The following LEF1 variants were observed in gnomAD, a reference collection of about 807,000 sequenced individuals.
The protein encoded by LEF1 is lymphoid enhancer-binding factor 1.
A neutral mutation model predicts 51.2 loss-of-function variants in LEF1; 14 were observed. The ratio of observed to expected loss-of-function variants is 0.27; its 90% CI spans 0.18 to 0.43. The LOEUF (loss-of-function observed/expected upper bound fraction) is 0.43, where lower values mean the gene tolerates loss of function less well. Ranked by LOEUF, LEF1 falls within the 20% of genes least tolerant of loss-of-function variation. The pLI, the probability that LEF1 is intolerant of heterozygous loss-of-function variation, is 1.00. For missense variants in LEF1, 386 were observed against 512.0 expected (o/e 0.75, Z 2.37); for synonymous variants, 185 against 183.2 (o/e 1.01, Z -0.08).
intron 3 of LEF1, among the ~76,000 whole-genome samples, chr4:108,107,181 A>G (rs1201737045): frequency 6.6e-6 from 1 of 151,986 alleles, no homozygotes; most frequent in African/African-American, 2.4e-5. Context: ...GAATATATGG[A>G]CCCATGCCTC....
rs34015287 is a variant in LEF1, at chr4:108,123,432, G to GTTTT, written c.415-34179_415-34176dup. 3.3e-3 allele frequency among the ~76,000 whole-genome samples: 239 copies of GTTTT among 72,374 alleles called. 6 individuals carry two copies. The highest frequency in any genetic ancestry group is 0.015 in the African/African-American group (225 of 15,464). 47.5% of individuals were successfully genotyped at this position (72,374 alleles called of 152,430 possible). ...GGACCCCAGCTTTCTGCTAGGGTTG[G>GTTTT]TTTTTTTTTTTTTTTTTTTTTTTTT... On this transcript the variant is annotated intron_variant, in intron 3 of 11. Transcript: ENST00000265165.
intron 5 of LEF1, 122 bp from the exon 6 acceptor site, chr4:108,081,791 C>T: frequency 2.9e-6 from 2 of 693,190 alleles, no homozygotes; most frequent in Non-Finnish European, 5.1e-6. Context: ...GTATTACAGA[C>T]CCCGGGATTG....
intron 3 of LEF1, among the ~76,000 whole-genome samples, chr4:108,100,424 G>T (rs1348907152): frequency 2.6e-5 from 4 of 152,164 alleles, no homozygotes. Context: ...TTCTCTGCTA[G>T]TGAAAAAGGG....
At position 108,047,692 on chromosome 4, in the gene LEF1, C is replaced by T. The variant is rs191295179; in HGVS notation, c.*1066G>A. 6.6e-6 allele frequency: 1 copy of T among 152,602 alleles called. No individual in the cohort carries two copies. Among genetic ancestry groups the T allele is most frequent in the Non-Finnish European group, 1.5e-5 (1 of 68,032 alleles). 9.5% of individuals were successfully genotyped at this position (152,602 alleles called of 1,614,324 possible). A position where few individuals can be genotyped will look rare whatever the true frequency, so the allele number is the denominator to read the frequency against. On this transcript the variant is annotated 3_prime_UTR_variant, in exon 12 of 12. Coordinates refer to ENST00000265165, the MANE Select transcript of LEF1 (RefSeq NM_016269.5). Reference sequence around the variant, plus strand: ...TTTTTAAAAAATGGGTACATCAATGCTCATTTTAACAACTGGCATAAAATC... The same window carrying T: ...TTTTTAAAAAATGGGTACATCAATGTTCATTTTAACAACTGGCATAAAATC...
At chr4:108,066,240 G>A (rs968180734) in intron 9 of LEF1, among the ~76,000 whole-genome samples, 4 of 152,228 alleles carry the variant, frequency 2.6e-5, no homozygotes, top group South Asian at 2.1e-4. Context: ...TATCCACAAC[G>A]GTCCTTTCAA....
chr4:108,150,830 A>T (rs1359492453), intron 3 of LEF1, among the ~76,000 whole-genome samples: 1 of 152,236 alleles, frequency 6.6e-6, no homozygotes, highest in Non-Finnish European at 1.5e-5. Context: ...AGAAAAATGC[A>T]TGTAAAGTAC....
intron 3 of LEF1, among the ~76,000 whole-genome samples, chr4:108,100,222 G>A (rs1392945988): frequency 6.6e-6 from 1 of 152,170 alleles, no homozygotes; most frequent in African/African-American, 2.4e-5. Flanking sequence ...TGGGTTCTAT[G>A]TAACTTTGCT....
At chr4:108,049,710 C>G (rs1736856918) in intron 11 of LEF1, among the ~76,000 whole-genome samples, 1 of 152,204 alleles carries the variant, frequency 6.6e-6, no homozygotes, top group African/African-American at 2.4e-5. Context: ...GTTACAAGCA[C>G]AAGTTTCCTT....
intron 3 of LEF1, among the ~76,000 whole-genome samples, chr4:108,136,209 T>C (rs1743252392): frequency 6.6e-6 from 1 of 152,182 alleles, no homozygotes; most frequent in Non-Finnish European, 1.5e-5. Flanking sequence ...TGTGCAAACA[T>C]TAGAAGTTCC....
chr4:108,153,544 T>C (rs1319484690), intron 3 of LEF1, among the ~76,000 whole-genome samples: 2 of 152,184 alleles, frequency 1.3e-5, no homozygotes, highest in Admixed American at 6.5e-5. Context: ...ACAACGAAAG[T>C]TGAATGTAAA....
chr4:108,106,451 C>G (rs1741173132), intron 3 of LEF1, among the ~76,000 whole-genome samples: 1 of 152,100 alleles, frequency 6.6e-6, no homozygotes, highest in Non-Finnish European at 1.5e-5. Context: ...AAGATTGAGG[C>G]TGCCTTTACG....
At chr4:108,158,112 T>C (rs1744842692) in intron 3 of LEF1, among the ~76,000 whole-genome samples, 2 of 152,138 alleles carry the variant, frequency 1.3e-5, no homozygotes, top group South Asian at 4.1e-4. Flanking sequence ...CTTCTCTATC[T>C]GAGATACTGG....
At chr4:108,063,221 G>A (rs898771298) in intron 11 of LEF1, among the ~76,000 whole-genome samples, 2 of 152,242 alleles carry the variant, frequency 1.3e-5, no homozygotes, top group East Asian at 3.9e-4. Context: ...GCAAAAGCTT[G>A]GGAGTTCTGG....
At chr4:108,107,041 CA>C (rs902324862) in intron 3 of LEF1, among the ~76,000 whole-genome samples, 7 of 152,030 alleles carry the variant, frequency 4.6e-5, no homozygotes, top group African/African-American at 1.7e-4. Context: ...TTGGAAAATA[CA>C]AAAAAACCCC....
chr4:108,129,714 C>T (rs1056381395), intron 3 of LEF1, among the ~76,000 whole-genome samples: 6 of 152,124 alleles, frequency 3.9e-5, no homozygotes, highest in African/African-American at 1.4e-4. Context: ...AAATATTCCT[C>T]ATTAATAAAA....
chr4:108,154,289 G>A (rs1018508670), intron 3 of LEF1, among the ~76,000 whole-genome samples: 7 of 151,618 alleles, frequency 4.6e-5, no homozygotes, highest in African/African-American at 1.5e-4. Flanking sequence ...TTAAGGAACC[G>A]TATTAAATTG....
intron 10 of LEF1, among the ~76,000 whole-genome samples, chr4:108,064,000 A>C (rs1465906314): frequency 6.6e-6 from 1 of 152,192 alleles, no homozygotes. Flanking sequence ...ATCTTTAAGG[A>C]GTTATATAAC....
chr4:108,065,091 T>C (rs559944103), intron 9 of LEF1, among the ~76,000 whole-genome samples: 2 of 152,350 alleles, frequency 1.3e-5, no homozygotes, highest in Admixed American at 6.5e-5. Context: ...ATGCACACCA[T>C]TTTAAATACA....
chr4:108,100,979 C>T (rs1014419593), intron 3 of LEF1, among the ~76,000 whole-genome samples: 13 of 152,140 alleles, frequency 8.5e-5, no homozygotes, highest in African/African-American at 3.1e-4. Context: ...CTTCATGACC[C>T]ACTTCCTGCT....
Sources: allele counts gnomAD v4.1 joint callset (sites outside exome capture counted in the v4.1 genomes callset), GRCh38; gene constraint gnomAD v4.1.1; transcripts MANE v1.5; gene names NCBI Gene and HGNC (gene_info 2026-07-23, HGNC 2026-07-21).